The following SHANK2 variants were observed in gnomAD, a reference collection of about 807,000 sequenced individuals.
The protein encoded by SHANK2 is SH3 and multiple ankyrin repeat domains 2.
Under a neutral mutation model 133.7 loss-of-function variants are expected in SHANK2, and 43 were observed. The ratio of observed to expected loss-of-function variants is 0.32; its 90% CI spans 0.25 to 0.41. The LOEUF (loss-of-function observed/expected upper bound fraction) is 0.41. SHANK2 is among the 10% of genes least tolerant of loss of function. The probability of loss-of-function intolerance (pLI) is 1.00; values close to 1 mark genes in which losing one functional copy is unlikely to be tolerated. For missense variants in SHANK2, 1,994 were observed against 2,235.8 expected (o/e 0.89, Z 2.18); for synonymous variants, 1,017 against 952.8 (o/e 1.07, Z -1.24).
At chr11:70,615,392 G>A (rs2060724799) in intron 17 of SHANK2, among the ~76,000 whole-genome samples, 1 of 152,134 alleles carries the variant, frequency 6.6e-6, no homozygotes, top group South Asian at 2.1e-4. Context: ...GCAACACCCC[G>A]AGAGAGGGAG....
intron 2 of SHANK2, among the ~76,000 whole-genome samples, chr11:71,185,821 G>A (rs1953657874): frequency 2.0e-5 from 3 of 151,864 alleles, no homozygotes. Context: ...GGACAATCAA[G>A]GAAGAAGGTG....
intron 17 of SHANK2, among the ~76,000 whole-genome samples, chr11:70,635,900 C>CCTTG (rs1321413723): frequency 6.6e-6 from 1 of 152,234 alleles, no homozygotes; most frequent in Non-Finnish European, 1.5e-5. Flanking sequence ...TTGCCCTAGG[C>CCTTG]CTTGACACAG....
chr11:71,125,909 G>C (rs1952174430), intron 3 of SHANK2, among the ~76,000 whole-genome samples: 1 of 152,014 alleles, frequency 6.6e-6, no homozygotes, highest in Admixed American at 6.6e-5. Flanking sequence ...AAAAAACCGA[G>C]GGCCCTTAAG....
At chr11:70,490,780 C>T (rs1011855701) in intron 22 of SHANK2, among the ~76,000 whole-genome samples, 1 of 151,150 alleles carries the variant, frequency 6.6e-6, no homozygotes, top group Non-Finnish European at 1.5e-5. Context: ...TGGGTCCATA[C>T]CCCACTCCCC....
chr11:70,552,773 G>C (rs782243932), intron 17 of SHANK2, among the ~76,000 whole-genome samples: 18 of 152,098 alleles, frequency 1.2e-4, no homozygotes, highest in Non-Finnish European at 1.9e-4. Context: ...CCTTACACAC[G>C]TGTCTCAGGA....
intron 17 of SHANK2, chr11:70,634,424 C>G (rs1404330264): frequency 6.6e-6 from 1 of 152,134 alleles, no homozygotes; most frequent in African/African-American, 2.4e-5. Context: ...TTTTGTGCAT[C>G]AAAGGGCACC....
intron 11 of SHANK2, among the ~76,000 whole-genome samples, chr11:70,869,621 T>C (rs1420788390): frequency 6.6e-6 from 1 of 152,192 alleles, no homozygotes; most frequent in Non-Finnish European, 1.5e-5. Context: ...CACAGCACTC[T>C]GTCTGCTCTG....
At chr11:70,640,924 T>TA (rs1251328499) in intron 17 of SHANK2, among the ~76,000 whole-genome samples, 2 of 152,164 alleles carry the variant, frequency 1.3e-5, no homozygotes, top group Non-Finnish European at 2.9e-5. Flanking sequence ...CCTGGGGACT[T>TA]AGAGGGATGC....
At chr11:70,490,779 AC>A (rs1555155648) in intron 22 of SHANK2, among the ~76,000 whole-genome samples, 4 of 152,092 alleles carry the variant, frequency 2.6e-5, no homozygotes, top group Non-Finnish European at 5.9e-5. Context: ...CTGGGTCCAT[AC>A]CCCACTCCCC....
chr11:70,482,251 C>T (rs1754946901), intron 25 of SHANK2, among the ~76,000 whole-genome samples: 1 of 152,206 alleles, frequency 6.6e-6, no homozygotes, highest in African/African-American at 2.4e-5. Context: ...CCTCTGGGAG[C>T]TTGGCAGTGC....
chr11:70,529,183 A>G (rs1442552967), intron 17 of SHANK2, among the ~76,000 whole-genome samples: 2 of 152,150 alleles, frequency 1.3e-5, no homozygotes, highest in Admixed American at 6.5e-5. Flanking sequence ...CTCAGGACCC[A>G]TGTCATGCTA....
chr11:70,942,821 C>T (rs782699018), intron 10 of SHANK2: 17 of 456,604 alleles, frequency 3.7e-5, no homozygotes, highest in Middle Eastern at 3.2e-4. Flanking sequence ...CACTCAGTGG[C>T]CAGCTCAAGA....
intron 14 of SHANK2, among the ~76,000 whole-genome samples, chr11:70,742,604 A>G (rs1946552543): frequency 1.3e-5 from 2 of 152,166 alleles, no homozygotes; most frequent in African/African-American, 2.4e-5. Flanking sequence ...CGGCTCTGCC[A>G]TCCCATAATC....
intron 1 of SHANK2, among the ~76,000 whole-genome samples, chr11:71,234,402 T>C (rs527257587): frequency 6.7e-6 from 1 of 148,866 alleles, no homozygotes; most frequent in African/African-American, 2.6e-5. Flanking sequence ...AATAAATAAA[T>C]AACAACAAAA....
At position 70,485,326 on chromosome 11, in the gene SHANK2, C is replaced by T. The variant is rs781958292; in HGVS notation, c.4967G>A (p.Ser1656Asn). 3 of 1,613,858 alleles carry T rather than the reference C, an allele frequency of 1.9e-6. No homozygotes were observed. Among genetic ancestry groups the T allele is most frequent in the South Asian group, 2.2e-5 (2 of 91,080 alleles). ...LDSPMGAKSASLAPRSPEIMS... is the reference protein window; with the variant it reads ...LDSPMGAKSANLAPRSPEIMS... ...ACCGCGGACTTACCTTGGAGCGAGG[C>T]TGGCGGACTTGGCTCCCATTGGTGA... Residue 1656 changes from serine to asparagine, a missense_variant, in exon 25 of 26, where the codon AGC becomes AAC. By Grantham distance (46) the Ser-to-Asn change is conservative. This residue lies in a region of SHANK2 where 797 missense variants were observed against 907.4 expected (regional missense o/e 0.88). Transcript: ENST00000601538. This position sits in a 1 kb window ranked among gnomAD's most constrained non-coding sequence, Gnocchi z 5.8.
intron 3 of SHANK2, 140 bp downstream of exon 3, chr11:71,146,980 A>C: frequency 1.5e-6 from 1 of 673,930 alleles, no homozygotes; most frequent in Non-Finnish European, 2.4e-6. Context: ...CGGGGGCAGA[A>C]GTATGGAGCG....
intron 10 of SHANK2, among the ~76,000 whole-genome samples, chr11:70,946,270 T>C (rs1950731628): frequency 7.5e-6 from 1 of 133,484 alleles, no homozygotes; most frequent in Non-Finnish European, 1.6e-5. Flanking sequence ...AGGCTCAACC[T>C]CCCTCTCCAC....
intron 21 of SHANK2, among the ~76,000 whole-genome samples, chr11:70,497,249 C>T (rs1164705738): frequency 2.0e-4 from 31 of 152,232 alleles, no homozygotes; most frequent in African/African-American, 7.5e-4. Context: ...ATCTTGTTTA[C>T]CGGGATATGG....
At chr11:70,889,211 A>T (rs1381496797) in intron 11 of SHANK2, among the ~76,000 whole-genome samples, 1 of 152,072 alleles carries the variant, frequency 6.6e-6, no homozygotes, top group African/African-American at 2.4e-5. Flanking sequence ...TATAAGGGAA[A>T]GGAGTAGGAC....
Sources: gnomAD v4.1 joint callset for allele counts (sites outside exome capture counted in the v4.1 genomes callset) on GRCh38, gnomAD v4.1.1 for gene constraint, gnomAD v4.1.1 regional missense constraint, Gnocchi (gnomAD v3.1) non-coding constraint, MANE v1.5 for transcripts, NCBI Gene and HGNC (gene_info 2026-07-23, HGNC 2026-07-21) for gene names.